CMTM8: variants seen among roughly 807,000 people sequenced by gnomAD.
CMTM8 encodes the protein CKLF like MARVEL transmembrane domain containing 8.
A neutral mutation model predicts 18.6 loss-of-function variants in CMTM8; 12 were observed. The observed-to-expected ratio is 0.65, with a 90% CI of 0.41 to 1.05. The LOEUF (loss-of-function observed/expected upper bound fraction) is 1.05. CMTM8 is among the 50% of genes least tolerant of loss of function. CMTM8 has a pLI of 0.00. For synonymous variants in CMTM8, 87 were observed against 90.6 expected (o/e 0.96, Z 0.23); for missense variants, 217 against 227.2 (o/e 0.95, Z 0.29).
At chr3:32,362,296 G>C (rs1216562938) in intron 2 of CMTM8, among the ~76,000 whole-genome samples, 1 of 151,936 alleles carries the variant, frequency 6.6e-6, no homozygotes, top group Non-Finnish European at 1.5e-5. Flanking sequence ...GCCCGTCTTC[G>C]TCTCCCAAAG....
chr3:32,270,480 A>G (rs1702420868), intron 1 of CMTM8, among the ~76,000 whole-genome samples: 1 of 152,250 alleles, frequency 6.6e-6, no homozygotes, highest in African/African-American at 2.4e-5. Context: ...CAAATGTCCA[A>G]CAATGATAGA....
intron 1 of CMTM8, among the ~76,000 whole-genome samples, chr3:32,285,528 T>A (rs200662607): frequency 0.043 from 1,930 of 45,088 alleles, 49 homozygotes; most frequent in Middle Eastern, 0.17. Context: ...AAAAAAAAAT[T>A]AAATTAATAA....
Position 32,352,440 on chromosome 3 carries a change from C to G in CMTM8, c.148-4933C>G, listed in dbSNP as rs530009280. On this transcript the variant is annotated intron_variant, in intron 1 of 3. Transcript: ENST00000307526. Reference sequence around the variant, plus strand: ...AGAAGTGCAGATTCTCAGGTCCATCCTAGACCTGAATCACAGGCAAGCGGT... The same window carrying G: ...AGAAGTGCAGATTCTCAGGTCCATCGTAGACCTGAATCACAGGCAAGCGGT... 5.6e-4 allele frequency among the ~76,000 whole-genome samples: 85 copies of G among 152,292 alleles called. No homozygotes were observed. In the South Asian group the frequency reaches 0.017, roughly 30 times the overall value.
At chr3:32,327,931 C>T (rs1013717593) in intron 1 of CMTM8, among the ~76,000 whole-genome samples, 18 of 152,190 alleles carry the variant, frequency 1.2e-4, no homozygotes, top group Admixed American at 1.2e-3. Context: ...CAATACTTGG[C>T]TGGGTGCAAT....
At chr3:32,269,968 C>T (rs1702412211) in intron 1 of CMTM8, among the ~76,000 whole-genome samples, 1 of 151,474 alleles carries the variant, frequency 6.6e-6, no homozygotes, top group Non-Finnish European at 1.5e-5. Context: ...AGACGGGGGT[C>T]TCACTATGTT....
intron 1 of CMTM8, among the ~76,000 whole-genome samples, chr3:32,336,791 CT>C (rs1015414574): frequency 1.3e-5 from 2 of 151,596 alleles, no homozygotes; most frequent in African/African-American, 4.8e-5. Flanking sequence ...TCATTTTTTT[CT>C]TCTCCTCTTT....
chr3:32,350,054 T>C (rs748386740), intron 1 of CMTM8, among the ~76,000 whole-genome samples: 1 of 151,786 alleles, frequency 6.6e-6, no homozygotes, highest in Non-Finnish European at 1.5e-5. Context: ...ATGCCTGAGG[T>C]TGAGGAATCC....
chr3:32,337,136 G>A (rs1004666263), intron 1 of CMTM8, among the ~76,000 whole-genome samples: 10 of 152,128 alleles, frequency 6.6e-5, no homozygotes, highest in African/African-American at 2.4e-4. Flanking sequence ...ATTTGTGAGA[G>A]CAGAGCCCTC....
intron 1 of CMTM8, among the ~76,000 whole-genome samples, chr3:32,295,205 C>T (rs1348725243): frequency 4.6e-5 from 7 of 152,004 alleles, no homozygotes; most frequent in Non-Finnish European, 4.4e-5. Flanking sequence ...CCTGTAATCC[C>T]AGCCCTTTGG....
At chr3:32,241,025 C>T (rs1197417317) in intron 1 of CMTM8, among the ~76,000 whole-genome samples, 1 of 152,148 alleles carries the variant, frequency 6.6e-6, no homozygotes, top group Non-Finnish European at 1.5e-5. Context: ...TAGGCTCAAG[C>T]AATCCTCCTG....
intron 1 of CMTM8, among the ~76,000 whole-genome samples, chr3:32,293,437 A>G (rs978687292): frequency 6.6e-6 from 1 of 152,160 alleles, no homozygotes; most frequent in African/African-American, 2.4e-5. Flanking sequence ...AATCCCAGCT[A>G]CTTGGAAGGC....
intron 1 of CMTM8, among the ~76,000 whole-genome samples, chr3:32,316,307 G>A (rs376736047): frequency 1.1e-3 from 162 of 152,200 alleles, no homozygotes; most frequent in Non-Finnish European, 1.5e-3. Flanking sequence ...GATTACAGGC[G>A]TGAGCCACCA....
intron 1 of CMTM8, among the ~76,000 whole-genome samples, chr3:32,350,208 C>A (rs1386450818): frequency 6.6e-6 from 1 of 152,152 alleles, no homozygotes; most frequent in African/African-American, 2.4e-5. Context: ...TCTCCCACCC[C>A]CAACCTTTGC....
chr3:32,264,963 G>T (rs954096333), intron 1 of CMTM8, among the ~76,000 whole-genome samples: 3 of 152,132 alleles, frequency 2.0e-5, no homozygotes, highest in African/African-American at 7.2e-5. Flanking sequence ...CAAGTCCTTA[G>T]AGACCTACAT....
At chr3:32,254,089 T>TTA (rs920589023) in intron 1 of CMTM8, among the ~76,000 whole-genome samples, 2 of 152,122 alleles carry the variant, frequency 1.3e-5, no homozygotes, top group South Asian at 2.1e-4. Context: ...AAATGGTGTT[T>TTA]TACCATGTTG....
At chr3:32,246,266 C>G (rs907294514) in intron 1 of CMTM8, among the ~76,000 whole-genome samples, 1 of 152,170 alleles carries the variant, frequency 6.6e-6, no homozygotes, top group Non-Finnish European at 1.5e-5. Context: ...TGATGTCCCA[C>G]TGGCCGCATC....
At chr3:32,367,267 G>A (rs368425681) in intron 2 of CMTM8, among the ~76,000 whole-genome samples, 10 of 152,168 alleles carry the variant, frequency 6.6e-5, no homozygotes, top group Non-Finnish European at 1.0e-4. Context: ...AATACCTACC[G>A]GGACTTACAT....
At position 32,239,019 on chromosome 3, in the gene CMTM8, C is replaced by T. The variant is rs1465200181; in HGVS notation, c.47C>T (p.Ala16Val). Residue 16 changes from alanine (A) to valine (V), a missense_variant, in exon 1 of 4, where the codon GCC becomes GTC. Ala to Val is a moderately conservative substitution (Grantham distance 64). Coordinates refer to ENST00000307526, the MANE Select transcript of CMTM8 (RefSeq NM_178868.5). Reference sequence around the variant, plus strand: ...CGCTCGCACACAGTCACCACCACCGCCAGCTCCTTCGCAGAGAACTTCTCC... The same window carrying T: ...CGCTCGCACACAGTCACCACCACCGTCAGCTCCTTCGCAGAGAACTTCTCC... ...RARSHTVTTT[A>V]SSFAENFSTS... 1 of 1,568,046 alleles carries T rather than the reference C, an allele frequency of 6.4e-7. No homozygotes were observed. Among genetic ancestry groups the T allele is most frequent in the East Asian group, 2.4e-5 (1 of 41,748 alleles).
At chr3:32,319,222 G>A (rs1194650470) in intron 1 of CMTM8, among the ~76,000 whole-genome samples, 1 of 150,248 alleles carries the variant, frequency 6.7e-6, no homozygotes, top group Non-Finnish European at 1.5e-5. Flanking sequence ...GGGCTTACAG[G>A]CACCCACCAC....
Sources: allele counts gnomAD v4.1 joint callset (sites outside exome capture counted in the v4.1 genomes callset), GRCh38; gene constraint gnomAD v4.1.1; transcripts MANE v1.5; gene names NCBI Gene and HGNC (gene_info 2026-07-23, HGNC 2026-07-21).